RASSF5: variants seen among roughly 807,000 people sequenced by gnomAD.
RASSF5 encodes ras association domain-containing protein 5.
A neutral mutation model predicts 40.5 loss-of-function variants in RASSF5; 25 were observed. The ratio of observed to expected loss-of-function variants is 0.62; its 90% CI spans 0.45 to 0.86. The LOEUF (loss-of-function observed/expected upper bound fraction) is 0.86. Ranked by LOEUF, RASSF5 falls within the 40% of genes least tolerant of loss-of-function variation. The pLI is 0.00. For missense variants in RASSF5, 521 were observed against 572.8 expected (o/e 0.91, Z 0.92); for synonymous variants, 246 against 252.4 (o/e 0.97, Z 0.24).
At chr1:206,583,216 T>G (rs1236158313) in intron 2 of RASSF5, 53 bp from the exon 3 acceptor site, 7 of 1,243,440 alleles carry the variant, frequency 5.6e-6, no homozygotes, top group Non-Finnish European at 8.3e-6. Context: ...GTTGTTCCCT[T>G]TCTCACCCTG....
In RASSF5 at chr1:206,538,171, G is replaced by A; in HGVS notation, c.458-1G>A. ...ATCTCCCTTTTGTTCTTTACCTCCA[G>A]ACTGTAAATTCACCTGTCACCCAGA... On this transcript the variant is annotated splice_acceptor_variant, in intron 1 of 5. Coordinates refer to ENST00000579436, the MANE Select transcript of RASSF5 (RefSeq NM_182663.4). LOFTEE classifies it high-confidence loss of function. 1 of 1,614,176 alleles carries A rather than the reference G, an allele frequency of 6.2e-7. No individual in the cohort carries two copies. Among genetic ancestry groups the A allele is most frequent in the Non-Finnish European group, 8.5e-7 (1 of 1,180,026 alleles).
At chr1:206,557,943 T>A (rs941314791) in intron 2 of RASSF5, among the ~76,000 whole-genome samples, 1 of 152,212 alleles carries the variant, frequency 6.6e-6, no homozygotes, top group Non-Finnish European at 1.5e-5. Context: ...ATGTGGGGGC[T>A]GCCCCTGGCT....
At chr1:206,530,990 G>A (rs1049870859) in intron 1 of RASSF5, among the ~76,000 whole-genome samples, 8 of 152,250 alleles carry the variant, frequency 5.3e-5, no homozygotes, top group Non-Finnish European at 7.3e-5. Flanking sequence ...GGATGTTAGC[G>A]AGGTAAAAAG....
At chr1:206,541,484 G>A (rs1464561097) in intron 2 of RASSF5, among the ~76,000 whole-genome samples, 3 of 152,126 alleles carry the variant, frequency 2.0e-5, no homozygotes, top group African/African-American at 4.8e-5. Context: ...AAAGGTCATC[G>A]GAAACAGGCA....
At chr1:206,578,073 A>AT (rs201060349) in intron 2 of RASSF5, among the ~76,000 whole-genome samples, 1,522 of 151,624 alleles carry the variant, frequency 0.01, 23 homozygotes, top group South Asian at 0.064. Context: ...AAAAAATAAA[A>AT]AAAATTAGCC....
intron 2 of RASSF5, among the ~76,000 whole-genome samples, chr1:206,565,611 C>T (rs1330186049): frequency 6.6e-6 from 1 of 152,224 alleles, no homozygotes; most frequent in Non-Finnish European, 1.5e-5. Flanking sequence ...GCTCCCCTTC[C>T]CCATCCATGA....
At chr1:206,517,825 AG>A (rs1666790220) in intron 1 of RASSF5, among the ~76,000 whole-genome samples, 1 of 152,142 alleles carries the variant, frequency 6.6e-6, no homozygotes. Context: ...TCAGGTATCT[AG>A]TCTCAGAAAA....
chr1:206,584,438 C>T lies in RASSF5; in HGVS notation c.742C>T (p.Arg248Trp), dbSNP rs1553407065. Residue 248 changes from arginine to tryptophan, a missense_variant, in exon 4 of 6, where the codon CGG (arginine) becomes TGG (tryptophan). Physicochemically the swap from Arg to Trp is moderately radical, Grantham distance 101. Transcript: ENST00000579436. This position sits in a 1 kb window ranked among gnomAD's most constrained non-coding sequence, Gnocchi z 4.9. ...GFIKVHLKLRRPVTVPAGIRP... is the reference protein window; with the variant it reads ...GFIKVHLKLRWPVTVPAGIRP... ...CATCAAAGTGCATCTGAAACTCCGG[C>T]GGCCTGTGACGGTGCCTGCTGGGAT... is the stretch of plus-strand genomic sequence containing the variant. 1.1e-5 allele frequency: 18 copies of T among 1,613,944 alleles called. No individual in the cohort carries two copies. Among genetic ancestry groups the T allele is most frequent in the East Asian group, 4.5e-5 (2 of 44,888 alleles).
At position 206,507,966 on chromosome 1, in the gene RASSF5, G is replaced by T; in HGVS notation, c.364G>T (p.Gly122Trp). 6.5e-7 allele frequency: 1 copy of T among 1,537,014 alleles called. No individual in the cohort carries two copies. Reference protein sequence around the residue: ...DPRVPAERGEGHCFAELVLPG... With the variant: ...DPRVPAERGEWHCFAELVLPG... ...CAGAGTCCCGGCGGAGCGAGGCGAGGGGCACTGCTTCGCCGAGTTGGTGCT... is the reference window on the plus strand; with the variant it reads ...CAGAGTCCCGGCGGAGCGAGGCGAGTGGCACTGCTTCGCCGAGTTGGTGCT... The change falls in exon 1 of 6, where the codon GGG becomes TGG. Residue 122 changes from glycine (G) to tryptophan (W), a missense_variant. This residue lies in a region of RASSF5 where 237 missense variants were observed against 212.0 expected (regional missense o/e 1.12). Transcript: ENST00000579436.
intron 2 of RASSF5, 118 bp downstream of exon 2, chr1:206,538,411 T>A: frequency 7.4e-7 from 1 of 1,349,366 alleles, no homozygotes. Context: ...AGATTCCACA[T>A]GCACTGGATG....
At chr1:206,541,513 C>T (rs73079064) in intron 2 of RASSF5, among the ~76,000 whole-genome samples, 10,481 of 152,136 alleles carry the variant, frequency 0.069, 1,251 homozygotes, top group African/African-American at 0.24. Flanking sequence ...CGAGGAAGGC[C>T]GCTGGGAGCT....
chr1:206,534,048 C>T (rs1667317961), intron 1 of RASSF5, among the ~76,000 whole-genome samples: 1 of 152,178 alleles, frequency 6.6e-6, no homozygotes, highest in African/African-American at 2.4e-5. Context: ...CCTGGCCCAG[C>T]CAACACTTGA....
chr1:206,518,108 G>A (rs182030384), intron 1 of RASSF5, among the ~76,000 whole-genome samples: 348 of 152,218 alleles, frequency 2.3e-3, no homozygotes, highest in African/African-American at 8.1e-3. Flanking sequence ...AGTGAGGCTC[G>A]GGGCAGGCTC....
In RASSF5 at chr1:206,582,288, T is replaced by C. The variant is rs144966319; in HGVS notation, c.580-981T>C. 7.9e-5 allele frequency among the ~76,000 whole-genome samples: 12 copies of C among 152,288 alleles called. No individual in the cohort carries two copies. In the East Asian group the frequency reaches 2.3e-3, roughly 29 times the overall value. ...TCTCCTCAATTTCATTGTTCACTTA[T>C]CCTTCCCAGGGGGTGGGAGGAGGAG... On this transcript the variant is annotated intron_variant, in intron 2 of 5. Coordinates refer to ENST00000579436, the MANE Select transcript of RASSF5 (RefSeq NM_182663.4).
rs1553397938 is a variant in RASSF5, at chr1:206,531,490, A to T, written c.458-6682A>T. On this transcript the variant is annotated intron_variant, in intron 1 of 5. Transcript: ENST00000579436. The surrounding 1 kb of genome is among the most constrained non-coding windows in gnomAD (Gnocchi z 4.7). ...CTGGCAGGGTAGAGGCTGCAGGGTG[A>T]GGGTGCAGGGGGCTGGAGGTGGTGG... Among the ~76,000 whole-genome samples, 1 of 152,052 alleles carries T rather than the reference A, an allele frequency of 6.6e-6. No homozygotes were observed. Among genetic ancestry groups the T allele is most frequent in the African/African-American group, 2.4e-5 (1 of 41,390 alleles).
rs1288293402 is a variant in RASSF5, at chr1:206,552,679, T to C, written c.579+14386T>C. Among the ~76,000 whole-genome samples, 1 of 152,220 alleles carries C rather than the reference T, an allele frequency of 6.6e-6. No homozygotes were observed. The highest frequency in any genetic ancestry group is 1.5e-5 in the Non-Finnish European group (1 of 68,024). On this transcript the variant is annotated intron_variant, in intron 2 of 5. Coordinates refer to ENST00000579436, the MANE Select transcript of RASSF5 (RefSeq NM_182663.4). This position sits in a 1 kb window ranked among gnomAD's most constrained non-coding sequence, Gnocchi z 4.1. ...TGGGTTTGAATCTGATTCTACCATTTACTTGCTTGGGCGAGTTTACTCTGA... is the reference window on the plus strand; with the variant it reads ...TGGGTTTGAATCTGATTCTACCATTCACTTGCTTGGGCGAGTTTACTCTGA...
At chr1:206,563,135 C>T (rs142754464) in intron 2 of RASSF5, among the ~76,000 whole-genome samples, 32 of 152,248 alleles carry the variant, frequency 2.1e-4, no homozygotes, top group Non-Finnish European at 4.0e-4. Flanking sequence ...GGGCCAGACC[C>T]GGAAATGGTG....
intron 2 of RASSF5, among the ~76,000 whole-genome samples, chr1:206,541,048 C>T (rs1374908149): frequency 1.3e-5 from 2 of 152,130 alleles, no homozygotes; most frequent in Non-Finnish European, 2.9e-5. Context: ...GTGTGCTCCA[C>T]CATGCCTGGC....
chr1:206,523,454 T>C (rs1313302557), intron 1 of RASSF5, among the ~76,000 whole-genome samples: 2 of 114,582 alleles, frequency 1.7e-5, no homozygotes, highest in Admixed American at 1.3e-4. Context: ...TAATATATAA[T>C]ATATTAAATA....
Sources: allele counts gnomAD v4.1 joint callset (sites outside exome capture counted in the v4.1 genomes callset), GRCh38; gene constraint gnomAD v4.1.1; regional missense constraint gnomAD v4.1.1; non-coding constraint Gnocchi (gnomAD v3.1); transcripts MANE v1.5; gene names NCBI Gene and HGNC (gene_info 2026-07-23, HGNC 2026-07-21).